Variants in ATP8A2 observed in about 807,000 individuals in gnomAD.
The protein encoded by ATP8A2 is phospholipid-transporting ATPase IB.
ATP8A2 carries 100 observed loss-of-function variants against 165.6 expected under a neutral mutation model. The observed-to-expected ratio is 0.60, with a 90% CI of 0.51 to 0.71. ATP8A2 has a LOEUF of 0.71. ATP8A2 is among the 30% of genes least tolerant of loss of function. The probability of loss-of-function intolerance (pLI) is 0.00; values close to 1 mark genes in which losing one functional copy is unlikely to be tolerated. For synonymous variants in ATP8A2, 543 were observed against 548.8 expected (o/e 0.99, Z 0.15); for missense variants, 1,227 against 1,479.5 (o/e 0.83, Z 2.80).
Position 25,833,894 on chromosome 13 carries a change from A to G in ATP8A2, c.2755-3269A>G, listed in dbSNP as rs190558794. Among the ~76,000 whole-genome samples the G allele has an allele frequency of 3.7e-3, 565 of 152,354 alleles. 7 individuals carry two copies. The highest frequency in any genetic ancestry group is 0.012 in the African/African-American group (504 of 41,588). Reference sequence around the variant, plus strand: ...TAGACAAAGAGTGCATTTGCATGAAATTTCATAATATAAAGACAGGGTTGA... The same window carrying G: ...TAGACAAAGAGTGCATTTGCATGAAGTTTCATAATATAAAGACAGGGTTGA... On this transcript the variant is annotated intron_variant, in intron 28 of 36. Transcript: ENST00000381655.
chr13:25,682,548 C>G (rs1050626475), intron 24 of ATP8A2, among the ~76,000 whole-genome samples: 2 of 152,138 alleles, frequency 1.3e-5, no homozygotes, highest in African/African-American at 2.4e-5. Context: ...CTTGACGGGG[C>G]ACACCACTGA....
At chr13:25,468,403 G>A (rs1301792521) in intron 1 of ATP8A2, among the ~76,000 whole-genome samples, 1 of 152,192 alleles carries the variant, frequency 6.6e-6, no homozygotes, top group Non-Finnish European at 1.5e-5. Context: ...TCTTCACCCT[G>A]GGGTCTCCGA....
chr13:25,407,227 C>T (rs953002170), intron 1 of ATP8A2, among the ~76,000 whole-genome samples: 1 of 152,184 alleles, frequency 6.6e-6, no homozygotes, highest in African/African-American at 2.4e-5. Flanking sequence ...AGGAGGAAAG[C>T]TGTGCAGTTT....
chr13:25,486,665 A>G (rs1055031433), intron 2 of ATP8A2, among the ~76,000 whole-genome samples: 3 of 150,702 alleles, frequency 2.0e-5, no homozygotes, highest in Non-Finnish European at 4.5e-5. Flanking sequence ...CCGTGGAACA[A>G]TTGTTACAAC....
At chr13:25,503,998 CTA>C (rs1438947845) in intron 2 of ATP8A2, among the ~76,000 whole-genome samples, 2 of 152,234 alleles carry the variant, frequency 1.3e-5, no homozygotes, top group Admixed American at 6.5e-5. Context: ...AAGTAACATT[CTA>C]TGTCTGAACT....
At chr13:25,702,904 T>A (rs1339981039) in intron 25 of ATP8A2, among the ~76,000 whole-genome samples, 2 of 152,304 alleles carry the variant, frequency 1.3e-5, no homozygotes, top group East Asian at 3.9e-4. Flanking sequence ...GCTTTCTGGC[T>A]GCCTGTGAAG....
At chr13:25,430,947 A>G (rs2034592163) in intron 1 of ATP8A2, among the ~76,000 whole-genome samples, 1 of 151,908 alleles carries the variant, frequency 6.6e-6, no homozygotes, top group Non-Finnish European at 1.5e-5. Flanking sequence ...CAAGGGAAGA[A>G]ACTGGTTAAT....
intron 4 of ATP8A2, among the ~76,000 whole-genome samples, chr13:25,531,907 A>G (rs2038126420): frequency 6.6e-6 from 1 of 152,214 alleles, no homozygotes; most frequent in Non-Finnish European, 1.5e-5. Flanking sequence ...CGAGCATGTC[A>G]GATAAGGGAT....
At chr13:25,995,247 A>T (rs1956472228) in intron 35 of ATP8A2, among the ~76,000 whole-genome samples, 1 of 150,534 alleles carries the variant, frequency 6.6e-6, no homozygotes. Flanking sequence ...GAAGTTTGTT[A>T]ATTTTATTGT....
At chr13:25,770,051 C>T (rs1393909605) in intron 26 of ATP8A2, among the ~76,000 whole-genome samples, 1 of 152,142 alleles carries the variant, frequency 6.6e-6, no homozygotes, top group Non-Finnish European at 1.5e-5. Flanking sequence ...CTAACTTAAC[C>T]GACTCCATCT....
rs552317132 is a variant in ATP8A2, at chr13:25,859,727, C to A, written c.2957-468C>A. Among the ~76,000 whole-genome samples, 199 of 152,234 alleles carry A rather than the reference C, an allele frequency of 1.3e-3. 1 individual carries two copies. The highest frequency in any genetic ancestry group is 6.8e-3 in the Middle Eastern group (2 of 294). ...GTAATAAATACCCCCAAAATTCTTT[C>A]CAAGTTCAGTCATGATGAATTGGTT... is the stretch of plus-strand genomic sequence containing the variant. On this transcript the variant is annotated intron_variant, in intron 30 of 36. Coordinates refer to ENST00000381655, the MANE Select transcript of ATP8A2 (RefSeq NM_016529.6).
At chr13:25,762,531 C>T (rs2044403799) in intron 25 of ATP8A2, among the ~76,000 whole-genome samples, 1 of 152,136 alleles carries the variant, frequency 6.6e-6, no homozygotes, top group Non-Finnish European at 1.5e-5. Flanking sequence ...GAATTGCACA[C>T]TAATAGCCTG....
At chr13:25,910,144 G>A (rs1159838848) in intron 33 of ATP8A2, among the ~76,000 whole-genome samples, 2 of 152,152 alleles carry the variant, frequency 1.3e-5, no homozygotes, top group Non-Finnish European at 2.9e-5. Flanking sequence ...TTTGAAATGT[G>A]CCTCACTCTT....
At position 26,024,972 on chromosome 13, in the gene ATP8A2, G is replaced by A. The variant is rs550654985; in HGVS notation, c.*4987G>A. 1.1e-4 allele frequency: 17 copies of A among 152,158 alleles called. No homozygotes were observed. In the East Asian group the frequency reaches 2.3e-3, roughly 21 times the overall value. 9.4% of individuals were successfully genotyped at this position (152,158 alleles called of 1,614,324 possible). A position where few individuals can be genotyped will look rare whatever the true frequency, so the allele number is the denominator to read the frequency against. On this transcript the variant is annotated 3_prime_UTR_variant, in exon 37 of 37. Transcript: ENST00000381655. ...GAGCCTTTTATAGGTAAGCTCTTCC[G>A]TGTGAAAGAGAAAAGGCCGGAAAGA...
At position 25,769,213 on chromosome 13, in the gene ATP8A2, A is replaced by C. The variant is rs1177307439; in HGVS notation, c.2552A>C (p.Asp851Ala). 1.2e-6 allele frequency: 2 copies of C among 1,612,636 alleles called. No individual in the cohort carries two copies. Among genetic ancestry groups the C allele is most frequent in the Non-Finnish European group, 1.7e-6 (2 of 1,178,808 alleles). ...GGCATGCAGGCCACCAACAACTCGG[A>C]TTACGCCATCGCACAGGTCAGCAGC... ...NEGMQATNNS[D>A]YAIAQFSYLE... The change falls in exon 26 of 37, where the codon GAT becomes GCT. Residue 851 changes from aspartate to alanine, a missense_variant. Asp to Ala is a moderately radical substitution (Grantham distance 126). Around this residue, in one of 5 missense-constraint regions of ATP8A2, gnomAD observed 592 missense variants for 785.6 expected, o/e 0.75. Coordinates refer to ENST00000381655, the MANE Select transcript of ATP8A2 (RefSeq NM_016529.6).
intron 33 of ATP8A2, among the ~76,000 whole-genome samples, chr13:25,867,256 A>C (rs2138788095): frequency 6.6e-6 from 1 of 152,136 alleles, no homozygotes; most frequent in Admixed American, 6.5e-5. Context: ...AGAGGGAGGA[A>C]TGGTTCTGTC....
intron 27 of ATP8A2, 131 bp from the exon 28 acceptor site, chr13:25,827,987 C>T: frequency 1.4e-6 from 1 of 702,362 alleles, no homozygotes; most frequent in Admixed American, 2.2e-5. Context: ...ACAACTGCTG[C>T]AGTCCCTGTG....
intron 2 of ATP8A2, among the ~76,000 whole-genome samples, chr13:25,513,561 C>G (rs911572083): frequency 7.2e-5 from 11 of 152,024 alleles, no homozygotes; most frequent in African/African-American, 2.7e-4. Context: ...GGGTGGCGGC[C>G]GGGCAGAGGC....
intron 33 of ATP8A2, among the ~76,000 whole-genome samples, chr13:25,952,922 A>G (rs1361790232): frequency 6.6e-6 from 1 of 152,200 alleles, no homozygotes; most frequent in East Asian, 1.9e-4. Context: ...TTTGACATGC[A>G]CGCTCATGAA....
Sources: allele counts gnomAD v4.1 joint callset (sites outside exome capture counted in the v4.1 genomes callset), GRCh38; gene constraint gnomAD v4.1.1; regional missense constraint gnomAD v4.1.1; transcripts MANE v1.5; gene names NCBI Gene and HGNC (gene_info 2026-07-23, HGNC 2026-07-21).